Variants in CREB3L2 observed in about 807,000 individuals in gnomAD.
CREB3L2 encodes cyclic AMP-responsive element-binding protein 3-like protein 2.
In CREB3L2, 23 loss-of-function variants were observed where a neutral mutation model predicts 57.2. The observed-to-expected ratio is 0.40, with a 90% CI of 0.29 to 0.57. The LOEUF (loss-of-function observed/expected upper bound fraction) is 0.57. Ranked by LOEUF, CREB3L2 falls within the 20% of genes least tolerant of loss-of-function variation. The pLI is 0.42. For synonymous variants in CREB3L2, 268 were observed against 265.1 expected (o/e 1.01, Z -0.11); for missense variants, 628 against 634.7 (o/e 0.99, Z 0.11).
In CREB3L2 at chr7:137,885,012, G is replaced by A. The variant is rs1263901640; in HGVS notation, c.1253C>T (p.Pro418Leu). 4 of 1,614,126 alleles carry A rather than the reference G, an allele frequency of 2.5e-6. No individual in the cohort carries two copies. The highest frequency in any genetic ancestry group is 3.3e-5 in the Admixed American group (2 of 60,026). The change falls in exon 10 of 12, where the codon CCC (proline) becomes CTC (leucine). Residue 418 changes from proline (P) to leucine (L), a missense_variant. By Grantham distance (98) the Pro-to-Leu change is moderately conservative (BLOSUM62 -3). This residue lies in a region of CREB3L2 where 272 missense variants were observed against 242.7 expected (regional missense o/e 1.12). Transcript: ENST00000330387. ...TGTCTTACCCACGGAGGCTGTGTAG[G>A]GCTCCTGCAGGGAATGCTGGCTGGG... ...ALPSQHSLQEPYTASVVRSRN... is the reference protein window; with the variant it reads ...ALPSQHSLQELYTASVVRSRN...
intron 2 of CREB3L2, among the ~76,000 whole-genome samples, chr7:137,921,554 T>A (rs113512667): frequency 2.0e-5 from 3 of 152,246 alleles, no homozygotes; most frequent in South Asian, 4.1e-4. Context: ...AAAATGCAGA[T>A]CTTCCATCAT....
At chr7:137,881,156 T>C (rs965932252) in intron 11 of CREB3L2, among the ~76,000 whole-genome samples, 4 of 152,174 alleles carry the variant, frequency 2.6e-5, no homozygotes, top group African/African-American at 9.7e-5. Context: ...CAGAGCCAAG[T>C]AAGAAGGCAC....
intron 1 of CREB3L2, chr7:137,956,611 C>A: frequency 1.6e-6 from 2 of 1,289,110 alleles, no homozygotes; most frequent in Non-Finnish European, 2.0e-6. Context: ...CACGGACAGC[C>A]ATGCCGAATA....
intron 1 of CREB3L2, among the ~76,000 whole-genome samples, chr7:137,996,073 C>A (rs1801984644): frequency 6.6e-6 from 1 of 152,218 alleles, no homozygotes; most frequent in Non-Finnish European, 1.5e-5. Context: ...TAATGGAGGG[C>A]AGTGAGGGTT....
chr7:137,921,047 G>C (rs1013211626), intron 2 of CREB3L2, among the ~76,000 whole-genome samples: 5 of 152,204 alleles, frequency 3.3e-5, no homozygotes, highest in Admixed American at 2.6e-4. Context: ...GGCCACCCTG[G>C]CTTAGAACTG....
intron 1 of CREB3L2, among the ~76,000 whole-genome samples, chr7:137,952,790 G>A (rs1801128008): frequency 6.6e-6 from 1 of 152,138 alleles, no homozygotes; most frequent in South Asian, 2.1e-4. Context: ...TACTCCAGGA[G>A]GAGTTTAAGA....
intron 1 of CREB3L2, among the ~76,000 whole-genome samples, chr7:137,952,375 C>G (rs1801118796): frequency 6.6e-6 from 1 of 152,218 alleles, no homozygotes; most frequent in Non-Finnish European, 1.5e-5. Context: ...TCCTTCCCAA[C>G]TTCCCCATGG....
chr7:137,981,161 C>T (rs370685037), intron 1 of CREB3L2, among the ~76,000 whole-genome samples: 2 of 152,000 alleles, frequency 1.3e-5, no homozygotes, highest in Admixed American at 6.5e-5. Flanking sequence ...GAGGGGAAGG[C>T]CTGCGTGAAT....
chr7:137,977,817 AG>A (rs1418174297), intron 1 of CREB3L2, among the ~76,000 whole-genome samples: 1 of 152,096 alleles, frequency 6.6e-6, no homozygotes, highest in Non-Finnish European at 1.5e-5. Context: ...GTTACTGGGG[AG>A]GCTGAGGCAT....
intron 1 of CREB3L2, among the ~76,000 whole-genome samples, chr7:137,976,200 C>T (rs1801605199): frequency 6.6e-6 from 1 of 152,232 alleles, no homozygotes; most frequent in African/African-American, 2.4e-5. Flanking sequence ...AGTTGGACCT[C>T]CTTGGGGTCC....
chr7:137,990,172 A>G (rs1424421497), intron 1 of CREB3L2, among the ~76,000 whole-genome samples: 2 of 152,166 alleles, frequency 1.3e-5, no homozygotes, highest in Non-Finnish European at 2.9e-5. Context: ...CTCCCCATAG[A>G]GCACCCTACT....
intron 8 of CREB3L2, among the ~76,000 whole-genome samples, chr7:137,885,946 T>C (rs775834103): frequency 6.6e-6 from 1 of 152,220 alleles, no homozygotes; most frequent in Non-Finnish European, 1.5e-5. Context: ...AAGTCATAAA[T>C]GGAGCCCTCA....
intron 1 of CREB3L2, among the ~76,000 whole-genome samples, chr7:137,985,874 C>T (rs1268086350): frequency 6.6e-6 from 1 of 152,194 alleles, no homozygotes; most frequent in African/African-American, 2.4e-5. Flanking sequence ...AGAAATATTT[C>T]AGGTCTTTTT....
chr7:137,972,736 TAGAGAGAGAGAGAGAGAG>T (rs564670456), intron 1 of CREB3L2, among the ~76,000 whole-genome samples: 401 of 22,268 alleles, frequency 0.018, 17 homozygotes, highest in Non-Finnish European at 0.026. Flanking sequence ...TATATATATA[TAGAGAGAGAGAGAGAGAG>T]AGAGAGAGAG....
chr7:137,882,401 CTA>C lies in CREB3L2; in HGVS notation c.1487+9_1487+10del, dbSNP rs1245762781. On this transcript the variant is annotated intron_variant, in intron 11 of 11. Coordinates refer to ENST00000330387, the MANE Select transcript of CREB3L2 (RefSeq NM_194071.4). Reference sequence around the variant, plus strand: ...CACTAGAGGAGTTGGCTCTGTGTCTCTATGACTCACAGGTGCTGCTGCAGCTC... The same window carrying C: ...CACTAGAGGAGTTGGCTCTGTGTCTCTGACTCACAGGTGCTGCTGCAGCTC... 1 of 1,607,366 alleles carries C rather than the reference CTA, an allele frequency of 6.2e-7. No individual in the cohort carries two copies. Among genetic ancestry groups the C allele is most frequent in the Admixed American group, 1.7e-5 (1 of 59,794 alleles).
intron 1 of CREB3L2, among the ~76,000 whole-genome samples, chr7:137,960,809 C>CTTTTCT (rs1801305672): frequency 1.0e-5 from 1 of 95,574 alleles, no homozygotes; most frequent in Non-Finnish European, 1.9e-5. Context: ...TAAATTATTT[C>CTTTTCT]TTTTTTTTTT....
chr7:137,938,028 G>A (rs1800820685), intron 1 of CREB3L2, among the ~76,000 whole-genome samples: 1 of 152,062 alleles, frequency 6.6e-6, no homozygotes, highest in African/African-American at 2.4e-5. Context: ...GGGAGAAGGA[G>A]GAATAAATAG....
chr7:137,984,117 C>T (rs1170014855), intron 1 of CREB3L2, among the ~76,000 whole-genome samples: 2 of 152,220 alleles, frequency 1.3e-5, no homozygotes, highest in Non-Finnish European at 2.9e-5. Context: ...GCGTCATTCT[C>T]AGCCATCTCA....
At chr7:137,956,193 C>T (rs1225585451) in intron 1 of CREB3L2, among the ~76,000 whole-genome samples, 1 of 152,178 alleles carries the variant, frequency 6.6e-6, no homozygotes, top group Admixed American at 6.5e-5. Context: ...ACAGTTGTTT[C>T]CCACTTACAA....
Sources: gnomAD v4.1 joint callset for allele counts (sites outside exome capture counted in the v4.1 genomes callset) on GRCh38, gnomAD v4.1.1 for gene constraint, gnomAD v4.1.1 regional missense constraint, MANE v1.5 for transcripts, NCBI Gene and HGNC (gene_info 2026-07-23, HGNC 2026-07-21) for gene names.